Variants in TMEM135 observed in about 807,000 individuals in gnomAD.
The protein encoded by TMEM135 is transmembrane protein 135.
TMEM135 carries 30 observed loss-of-function variants against 60.3 expected under a neutral mutation model. The ratio of observed to expected loss-of-function variants is 0.50; its 90% CI spans 0.37 to 0.68. The LOEUF (loss-of-function observed/expected upper bound fraction) is 0.68. Ranked by LOEUF, TMEM135 falls within the 30% of genes least tolerant of loss-of-function variation. The probability of loss-of-function intolerance (pLI) is 0.00; values close to 1 mark genes in which losing one functional copy is unlikely to be tolerated. For synonymous variants in TMEM135, 190 were observed against 186.7 expected (o/e 1.02, Z -0.14); for missense variants, 468 against 548.8 (o/e 0.85, Z 1.47).
intron 4 of TMEM135, among the ~76,000 whole-genome samples, chr11:87,107,081 C>T (rs1857615876): frequency 6.6e-6 from 1 of 152,176 alleles, no homozygotes; most frequent in East Asian, 1.9e-4. Context: ...TCCCACTGGG[C>T]CCCACTTGTA....
Position 87,322,334 on chromosome 11 carries a change from C to T in TMEM135, c.*1001C>T, listed in dbSNP as rs1283647672. On this transcript the variant is annotated 3_prime_UTR_variant, in exon 15 of 15. Coordinates refer to ENST00000305494, the MANE Select transcript of TMEM135 (RefSeq NM_022918.4). ...TGCACCTGAAAACACTATAAAAATC[C>T]AGTGGTTGTTTAAAAAGTCCATTTG... 2.2e-6 allele frequency: 1 copy of T among 453,962 alleles called. No individual in the cohort carries two copies. The highest frequency in any genetic ancestry group is 4.4e-6 in the Non-Finnish European group (1 of 226,728). 28.1% of individuals were successfully genotyped at this position (453,962 alleles called of 1,614,324 possible).
At chr11:87,147,277 C>T (rs141501596) in intron 4 of TMEM135, among the ~76,000 whole-genome samples, 1,988 of 152,238 alleles carry the variant, frequency 0.013, 45 homozygotes, top group South Asian at 0.095. Flanking sequence ...GAGCCGAGAT[C>T]GTGCCACTAC....
intron 4 of TMEM135, among the ~76,000 whole-genome samples, chr11:87,117,549 C>CT (rs1251450017): frequency 1.3e-5 from 2 of 152,114 alleles, no homozygotes; most frequent in East Asian, 1.9e-4. Context: ...CAAGAAACCT[C>CT]TTTTTTTGCT....
chr11:87,186,791 C>A (rs1461418972), intron 5 of TMEM135, among the ~76,000 whole-genome samples: 5 of 151,966 alleles, frequency 3.3e-5, no homozygotes, highest in Non-Finnish European at 5.9e-5. Flanking sequence ...ATTAGAGTCA[C>A]CTGATTTATG....
At position 87,322,354 on chromosome 11, in the gene TMEM135, C is replaced by T. The variant is rs1471555092; in HGVS notation, c.*1021C>T. 5 of 453,884 alleles carry T rather than the reference C, an allele frequency of 1.1e-5. No individual in the cohort carries two copies. The Admixed American group carries it at 1.2e-4, about 11-fold the overall frequency. The allele number at this position is 453,884 out of a possible 1,614,324, so 28.1% of individuals were successfully genotyped here. A position where few individuals can be genotyped will look rare whatever the true frequency, so the allele number is the denominator to read the frequency against. ...AAATCCAGTGGTTGTTTAAAAAGTC[C>T]ATTTGTCACTAATTCCATTCAGGTT... On this transcript the variant is annotated 3_prime_UTR_variant, in exon 15 of 15. Coordinates refer to ENST00000305494, the MANE Select transcript of TMEM135 (RefSeq NM_022918.4).
At chr11:87,273,419 T>C (rs775055461) in intron 6 of TMEM135, among the ~76,000 whole-genome samples, 11 of 152,216 alleles carry the variant, frequency 7.2e-5, no homozygotes, top group Non-Finnish European at 1.6e-4. Context: ...TTTATTCTTT[T>C]TATCATTTTG....
intron 4 of TMEM135, among the ~76,000 whole-genome samples, chr11:87,104,407 G>T (rs535789586): frequency 2.6e-5 from 4 of 152,146 alleles, no homozygotes; most frequent in Admixed American, 2.6e-4. Flanking sequence ...AGGATTCTTT[G>T]GCTGTTTGGG....
At chr11:87,170,891 G>A (rs1344587218) in intron 5 of TMEM135, among the ~76,000 whole-genome samples, 1 of 152,168 alleles carries the variant, frequency 6.6e-6, no homozygotes, top group Non-Finnish European at 1.5e-5. Context: ...TGGGCCCACA[G>A]CCTCCTCTTC....
chr11:87,299,589 A>T (rs551304362), intron 7 of TMEM135, among the ~76,000 whole-genome samples: 1 of 152,196 alleles, frequency 6.6e-6, no homozygotes, highest in Non-Finnish European at 1.5e-5. Context: ...ACTGATAGAT[A>T]TACTTAGTGT....
At chr11:87,226,669 T>C (rs1417598512) in intron 5 of TMEM135, among the ~76,000 whole-genome samples, 1 of 152,218 alleles carries the variant, frequency 6.6e-6, no homozygotes, top group Admixed American at 6.5e-5. Flanking sequence ...ACCCAGCCAC[T>C]CTAACATATC....
chr11:87,155,207 C>T (rs1938660618), intron 4 of TMEM135, among the ~76,000 whole-genome samples: 2 of 152,142 alleles, frequency 1.3e-5, no homozygotes, highest in South Asian at 4.1e-4. Flanking sequence ...CCACGTTGGC[C>T]AGGCTGGTCT....
intron 4 of TMEM135, among the ~76,000 whole-genome samples, chr11:87,134,359 C>T (rs1354520350): frequency 6.6e-6 from 1 of 152,180 alleles, no homozygotes; most frequent in African/African-American, 2.4e-5. Flanking sequence ...TCTCCAAATA[C>T]AGTTACATTC....
rs200801267 is a variant in TMEM135 at position 87,223,662 on chromosome 11, T to TGCAC, written c.463-12971_463-12968dup. Among the ~76,000 whole-genome samples the TGCAC allele has an allele frequency of 2.9e-3, 394 of 134,256 alleles. 1 individual carries two copies. The highest frequency in any genetic ancestry group is 3.7e-3 in the Middle Eastern group (1 of 272). The allele number at this position is 134,256 out of a possible 152,430, so 88.1% of individuals were successfully genotyped here. A position where few individuals can be genotyped will look rare whatever the true frequency, so the allele number is the denominator to read the frequency against. On this transcript the variant is annotated intron_variant, in intron 5 of 14. Coordinates refer to ENST00000305494, the MANE Select transcript of TMEM135 (RefSeq NM_022918.4). Reference sequence around the variant, plus strand: ...ACTGTCTCTACTAAAAATACGCACATGCACGCACACACACACACACACACA... The same window carrying TGCAC: ...ACTGTCTCTACTAAAAATACGCACATGCACGCACGCACACACACACACACACACA...
intron 6 of TMEM135, 88 bp downstream of exon 6, chr11:87,236,772 A>T: frequency 2.3e-6 from 3 of 1,308,780 alleles, no homozygotes; most frequent in Non-Finnish European, 2.2e-6. Flanking sequence ...TATTCTCCAA[A>T]TAATTATCCC....
intron 4 of TMEM135, among the ~76,000 whole-genome samples, chr11:87,150,609 G>A (rs901046691): frequency 3.3e-5 from 5 of 151,950 alleles, no homozygotes; most frequent in Admixed American, 2.6e-4. Flanking sequence ...GCTACCTTAT[G>A]TTTTTTTCAT....
chr11:87,120,612 C>G (rs1858030364), intron 4 of TMEM135, among the ~76,000 whole-genome samples: 1 of 151,534 alleles, frequency 6.6e-6, no homozygotes, highest in African/African-American at 2.4e-5. Flanking sequence ...GGACTACAAG[C>G]ATGTGCCACC....
intron 6 of TMEM135, among the ~76,000 whole-genome samples, chr11:87,274,786 C>CCGTGTGTG (rs1554983362): frequency 1.5e-5 from 2 of 129,290 alleles, no homozygotes; most frequent in South Asian, 5.3e-4. Context: ...CATAGCAAGA[C>CCGTGTGTG]TGTGTGTGTG....
chr11:87,152,852 A>C (rs1035632777), intron 4 of TMEM135, among the ~76,000 whole-genome samples: 1 of 152,134 alleles, frequency 6.6e-6, no homozygotes, highest in South Asian at 2.1e-4. Context: ...TGCCTCATCA[A>C]GTTTTCTGGT....
In TMEM135 at chr11:87,323,915, A is replaced by G; in HGVS notation, c.*2582A>G. 4.4e-6 allele frequency: 2 copies of G among 453,758 alleles called. No individual in the cohort carries two copies. The highest frequency in any genetic ancestry group is 8.8e-6 in the Non-Finnish European group (2 of 226,758). The allele number at this position is 453,758 out of a possible 1,614,324, so 28.1% of individuals were successfully genotyped here. On this transcript the variant is annotated 3_prime_UTR_variant, in exon 15 of 15. Transcript: ENST00000305494. ...GTAACTTTTTTCTTGAACTATAAGC[A>G]TAGTCATCACTCAGTTGATATCTAG...
Sources: allele counts gnomAD v4.1 joint callset (sites outside exome capture counted in the v4.1 genomes callset), GRCh38; gene constraint gnomAD v4.1.1; transcripts MANE v1.5; gene names NCBI Gene and HGNC (gene_info 2026-07-23, HGNC 2026-07-21).